PPFIA2: variants seen among roughly 807,000 people sequenced by gnomAD.
PPFIA2 encodes liprin-alpha-2.
Under a neutral mutation model 175.5 loss-of-function variants are expected in PPFIA2, and 46 were observed. That is an observed-to-expected ratio of 0.26 (90% CI 0.21 to 0.34). PPFIA2 has a LOEUF of 0.34. Ranked by LOEUF, PPFIA2 falls within the 10% of genes least tolerant of loss-of-function variation. The pLI is 1.00. For synonymous variants in PPFIA2, 568 were observed against 511.4 expected (o/e 1.11, Z -1.49); for missense variants, 1,179 against 1,506.1 (o/e 0.78, Z 3.60).
intron 17 of PPFIA2, 143 bp from the exon 18 acceptor site, chr12:81,347,913 T>TG (rs1320054986): frequency 2.4e-5 from 31 of 1,284,352 alleles, no homozygotes; most frequent in Non-Finnish European, 3.2e-5. Context: ...TTTTTCATCT[T>TG]TTTTTTTTCT....
At chr12:81,515,883 G>C (rs770783871) in intron 4 of PPFIA2, among the ~76,000 whole-genome samples, 1 of 151,614 alleles carries the variant, frequency 6.6e-6, no homozygotes, top group African/African-American at 2.4e-5. Flanking sequence ...TCTCACATTT[G>C]ATCATCTCTT....
chr12:81,492,984 A>G (rs1443368836), intron 4 of PPFIA2, among the ~76,000 whole-genome samples: 1 of 152,104 alleles, frequency 6.6e-6, no homozygotes, highest in East Asian at 1.9e-4. Context: ...CAGCAGGTTG[A>G]ACAATTATAT....
chr12:81,475,901 C>T (rs1593583973), intron 4 of PPFIA2, among the ~76,000 whole-genome samples: 1 of 152,046 alleles, frequency 6.6e-6, no homozygotes, highest in Non-Finnish European at 1.5e-5. Flanking sequence ...TTAGTAGAGA[C>T]GGGGTTTCAC....
At chr12:81,385,414 C>T (rs2038702558) in intron 8 of PPFIA2, among the ~76,000 whole-genome samples, 3 of 152,008 alleles carry the variant, frequency 2.0e-5, no homozygotes, top group Admixed American at 1.3e-4. Context: ...ATGTTCAATG[C>T]AAAATTATTT....
intron 4 of PPFIA2, among the ~76,000 whole-genome samples, chr12:81,637,690 G>A (rs73147483): frequency 0.044 from 6,680 of 152,052 alleles, 286 homozygotes; most frequent in East Asian, 0.24. Flanking sequence ...GTATTTATAT[G>A]CCATGAAAGA....
At chr12:81,541,256 C>G (rs941521991) in intron 4 of PPFIA2, among the ~76,000 whole-genome samples, 1 of 151,720 alleles carries the variant, frequency 6.6e-6, no homozygotes, top group Non-Finnish European at 1.5e-5. Flanking sequence ...CATTGGCAGG[C>G]ATTTTCTTTT....
In PPFIA2 at chr12:81,641,739, C is replaced by T. The variant is rs2065000577; in HGVS notation, c.303+35052G>A. On this transcript the variant is annotated intron_variant, in intron 4 of 32. Coordinates refer to ENST00000549396, the MANE Select transcript of PPFIA2 (RefSeq NM_003625.5). ...CTGAGCCTTGCCCACATCAGCAGAA[C>T]TGCCCTGTAGAGCCAACCTCAAATT... Among the ~76,000 whole-genome samples, 3 of 152,178 alleles carry T rather than the reference C, an allele frequency of 2.0e-5. No homozygotes were observed. The East Asian group carries it at 5.8e-4, about 29-fold the overall frequency.
intron 3 of PPFIA2, among the ~76,000 whole-genome samples, chr12:81,701,016 T>C (rs1056447277): frequency 1.5e-4 from 23 of 152,040 alleles, no homozygotes; most frequent in Admixed American, 1.2e-3. Flanking sequence ...AGTGAGTAAA[T>C]TCGGTAAGAA....
At chr12:81,658,071 C>T (rs138789359) in intron 4 of PPFIA2, among the ~76,000 whole-genome samples, 4,750 of 151,990 alleles carry the variant, frequency 0.031, 91 homozygotes, top group South Asian at 0.066. Context: ...GAGTTTGAGA[C>T]CAGCCTGACC....
chr12:81,572,628 G>T (rs190178526), intron 4 of PPFIA2, among the ~76,000 whole-genome samples: 30 of 151,964 alleles, frequency 2.0e-4, no homozygotes, highest in Admixed American at 2.0e-3. Flanking sequence ...TTTCTTTTGT[G>T]CAAACTAAAT....
Position 81,416,612 on chromosome 12 carries a change from A to C in PPFIA2, c.646-10709T>G, listed in dbSNP as rs572582054. Among the ~76,000 whole-genome samples the C allele has an allele frequency of 2.6e-5, 4 of 151,836 alleles. No homozygotes were observed. The South Asian group carries it at 8.3e-4, about 31-fold the overall frequency. On this transcript the variant is annotated intron_variant, in intron 7 of 32. Coordinates refer to ENST00000549396, the MANE Select transcript of PPFIA2 (RefSeq NM_003625.5). ...GAAAACAGCAAACAGAACTTACTGA[A>C]GGTATTGATTATTATAAAGTACTTC...
intron 8 of PPFIA2, among the ~76,000 whole-genome samples, chr12:81,387,370 A>G (rs1022266310): frequency 1.3e-5 from 2 of 152,144 alleles, no homozygotes; most frequent in Non-Finnish European, 2.9e-5. Context: ...ATATTTAGGA[A>G]TGCAAATGAC....
At chr12:81,362,059 T>C (rs1300989577) in intron 15 of PPFIA2, among the ~76,000 whole-genome samples, 1 of 151,300 alleles carries the variant, frequency 6.6e-6, no homozygotes, top group Non-Finnish European at 1.5e-5. Context: ...CTATGATCTA[T>C]CAAGTAAGCT....
At chr12:81,611,722 G>A (rs1166148905) in intron 4 of PPFIA2, among the ~76,000 whole-genome samples, 1 of 152,136 alleles carries the variant, frequency 6.6e-6, no homozygotes, top group Non-Finnish European at 1.5e-5. Flanking sequence ...GGGGAGTGGG[G>A]AGGCGGGCCC....
intron 32 of PPFIA2, among the ~76,000 whole-genome samples, chr12:81,261,423 G>A (rs761546794): frequency 1.3e-5 from 2 of 151,994 alleles, no homozygotes; most frequent in East Asian, 1.9e-4. Context: ...CACCATGTTG[G>A]CCAGGCTGGT....
chr12:81,330,683 G>GT (rs1226300771), intron 21 of PPFIA2, among the ~76,000 whole-genome samples: 2 of 152,156 alleles, frequency 1.3e-5, no homozygotes, highest in Admixed American at 1.3e-4. Flanking sequence ...TCCAGCAGAG[G>GT]TCTCTGTCAT....
chr12:81,717,938 A>C (rs2153625907), intron 3 of PPFIA2, among the ~76,000 whole-genome samples: 1 of 151,694 alleles, frequency 6.6e-6, no homozygotes, highest in South Asian at 2.1e-4. Flanking sequence ...AGAAAATCTG[A>C]AGTAGAAACT....
rs147351339 is a variant in PPFIA2, at chr12:81,403,252, A to C, written c.762+2535T>G. Among the ~76,000 whole-genome samples the C allele has an allele frequency of 3.9e-3, 594 of 152,296 alleles. 4 individuals carry two copies. Among genetic ancestry groups the C allele is most frequent in the African/African-American group, 0.013 (544 of 41,564 alleles). On this transcript the variant is annotated intron_variant, in intron 8 of 32. Transcript: ENST00000549396. ...CTTCACTAAGAACTGGAAGTCAAAA[A>C]AAGTTAAAGACAATTGCTTTGGGTC...
intron 3 of PPFIA2, among the ~76,000 whole-genome samples, chr12:81,745,989 C>T (rs1417729670): frequency 9.4e-6 from 1 of 106,914 alleles, no homozygotes; most frequent in African/African-American, 2.6e-5. Flanking sequence ...GCTTTTCCAA[C>T]TCAATCTTTG....
Sources: allele counts gnomAD v4.1 joint callset (sites outside exome capture counted in the v4.1 genomes callset), GRCh38; gene constraint gnomAD v4.1.1; transcripts MANE v1.5; gene names NCBI Gene and HGNC (gene_info 2026-07-23, HGNC 2026-07-21).